The following FHL5 variants were observed in gnomAD, a reference collection of about 807,000 sequenced individuals.
FHL5 encodes the protein four and a half LIM domains protein 5.
Under a neutral mutation model 32.0 loss-of-function variants are expected in FHL5, and 33 were observed. That is an observed-to-expected ratio of 1.03 (90% confidence interval 0.78 to 1.38). FHL5 has a LOEUF of 1.38. Among genes scored for constraint, FHL5 ranks in the 40% most tolerant of loss-of-function variants. The pLI, the probability that FHL5 is intolerant of heterozygous loss-of-function variation, is 0.00. For missense variants in FHL5, 336 were observed against 343.9 expected (o/e 0.98, Z 0.18); for synonymous variants, 114 against 113.6 (o/e 1.00, Z -0.02).
chr6:96,586,826 T>C (rs1242579823), intron 1 of FHL5, among the ~76,000 whole-genome samples: 1 of 152,308 alleles, frequency 6.6e-6, no homozygotes, highest in South Asian at 2.1e-4. Flanking sequence ...ACTTAACACT[T>C]GTGTGCCAAA....
Position 96,603,490 on chromosome 6 carries a change from A to C in FHL5, c.-12-112A>C, listed in dbSNP as rs1419474614. The C allele has an allele frequency of 3.9e-6, 3 of 772,384 alleles. No individual in the cohort carries two copies. In the East Asian group the frequency reaches 8.5e-5, roughly 22 times the overall value. The allele number at this position is 772,384 out of a possible 1,614,324, so 47.8% of individuals were successfully genotyped here. A position where few individuals can be genotyped will look rare whatever the true frequency, so the allele number is the denominator to read the frequency against. On this transcript the variant is annotated intron_variant, in intron 1 of 5. Transcript: ENST00000450218. Reference sequence around the variant, plus strand: ...TTCCTAAATTGGGGGATTTTTGCTTAAGAAAATATAAGTTCATTCAAATGC... The same window carrying C: ...TTCCTAAATTGGGGGATTTTTGCTTCAGAAAATATAAGTTCATTCAAATGC...
chr6:96,612,705 C>G (rs1304449184), intron 5 of FHL5, among the ~76,000 whole-genome samples: 2 of 152,136 alleles, frequency 1.3e-5, no homozygotes, highest in African/African-American at 2.4e-5. Flanking sequence ...TTAATTTAGA[C>G]TCATCAGTCC....
intron 1 of FHL5, among the ~76,000 whole-genome samples, chr6:96,599,982 C>T (rs1020964573): frequency 5.3e-5 from 8 of 152,208 alleles, no homozygotes; most frequent in African/African-American, 9.6e-5. Flanking sequence ...CTCTTTCCTA[C>T]AGCTCTACCT....
At chr6:96,563,106 A>G (rs1770281424), upstream of FHL5, 1 of 152,194 alleles carries the variant, frequency 6.6e-6, no homozygotes. Context: ...GTAAAAATTG[A>G]CAAATAGTGC....
At chr6:96,581,982 C>A (rs1770705473) in intron 1 of FHL5, among the ~76,000 whole-genome samples, 3 of 152,262 alleles carry the variant, frequency 2.0e-5, no homozygotes, top group Admixed American at 6.5e-5. Flanking sequence ...CAACCATGTG[C>A]TGAGCCTATG....
At chr6:96,604,727 A>C in intron 2 of FHL5, 23 bp from the exon 3 acceptor site, 2 of 1,584,084 alleles carry the variant, frequency 1.3e-6, no homozygotes, top group Non-Finnish European at 1.7e-6. Context: ...ACATTTAATT[A>C]ACTTTTATTT....
intron 1 of FHL5, among the ~76,000 whole-genome samples, chr6:96,565,497 C>T (rs1770337141): frequency 6.6e-6 from 1 of 152,128 alleles, no homozygotes; most frequent in Admixed American, 6.5e-5. Flanking sequence ...GGTTATACTT[C>T]CAGCACCAAT....
chr6:96,612,152 C>T (rs886620710), intron 5 of FHL5, among the ~76,000 whole-genome samples: 1 of 152,170 alleles, frequency 6.6e-6, no homozygotes, highest in Non-Finnish European at 1.5e-5. Flanking sequence ...CAATCCCACA[C>T]CACTCGGCTC....
At chr6:96,599,376 G>A (rs538303022) in intron 1 of FHL5, among the ~76,000 whole-genome samples, 2 of 152,026 alleles carry the variant, frequency 1.3e-5, no homozygotes, top group South Asian at 2.1e-4. Flanking sequence ...TATATTTTTA[G>A]TAGAGCAGGG....
In FHL5 at chr6:96,607,646, A is replaced by G. The variant is rs188123770; in HGVS notation, c.504+1575A>G. On this transcript the variant is annotated intron_variant, in intron 4 of 5. Coordinates refer to ENST00000450218, the MANE Select transcript of FHL5 (RefSeq NM_001322466.2). ...ACAAGCAGCAATCAAGCCATATGAC[A>G]TATGAAGCTCCAAAGAATTACCAGG... 1.3e-5 allele frequency among the ~76,000 whole-genome samples: 2 copies of G among 152,202 alleles called. 1 individual carries two copies. Among genetic ancestry groups the G allele is most frequent in the Admixed American group, 1.3e-4 (2 of 15,278 alleles).
chr6:96,610,839 C>T, intron 5 of FHL5, 81 bp downstream of exon 5: 1 of 1,057,516 alleles, frequency 9.5e-7, no homozygotes, highest in Non-Finnish European at 1.4e-6. Flanking sequence ...TTAGGAAAAG[C>T]AATTAAAAAA....
chr6:96,572,764 T>C (rs560847251), intron 1 of FHL5, among the ~76,000 whole-genome samples: 1 of 152,272 alleles, frequency 6.6e-6, no homozygotes, highest in African/African-American at 2.4e-5. Flanking sequence ...ATGGAGATTG[T>C]TGGAGTCATC....
At position 96,606,093 on chromosome 6, in the gene FHL5, A is replaced by C. The variant is rs758782711; in HGVS notation, c.504+22A>C. On this transcript the variant is annotated intron_variant, in intron 4 of 5. Coordinates refer to ENST00000450218, the MANE Select transcript of FHL5 (RefSeq NM_001322466.2). ...GAAGGTAATTTTCTAAAGAGGGTGA[A>C]GCTTGTGGAAACTCAGACTATTTCT... 13 of 1,602,164 alleles carry C rather than the reference A, an allele frequency of 8.1e-6. No individual in the cohort carries two copies. The South Asian group carries it at 1.4e-4, about 18-fold the overall frequency.
chr6:96,593,410 T>G (rs988013137), intron 1 of FHL5, among the ~76,000 whole-genome samples: 2 of 152,182 alleles, frequency 1.3e-5, no homozygotes, highest in African/African-American at 4.8e-5. Context: ...TGATGTTTTC[T>G]TCCTTCAGAC....
intron 1 of FHL5, among the ~76,000 whole-genome samples, chr6:96,579,597 T>G (rs906126788): frequency 6.6e-6 from 1 of 152,222 alleles, no homozygotes; most frequent in African/African-American, 2.4e-5. Flanking sequence ...GATTTTGCCA[T>G]GTACCATGTG....
intron 1 of FHL5, among the ~76,000 whole-genome samples, chr6:96,588,737 T>A (rs2127966029): frequency 1.3e-5 from 2 of 152,226 alleles, no homozygotes; most frequent in Middle Eastern, 3.5e-3. Flanking sequence ...TAGCTTGTTT[T>A]TAATTCACTT....
chr6:96,605,540 G>A (rs917027399), intron 3 of FHL5, among the ~76,000 whole-genome samples: 1 of 152,156 alleles, frequency 6.6e-6, no homozygotes, highest in Non-Finnish European at 1.5e-5. Flanking sequence ...CTCAGTAGTT[G>A]TGCTCTGGGC....
intron 1 of FHL5, among the ~76,000 whole-genome samples, chr6:96,573,623 G>A (rs1265727237): frequency 4.2e-5 from 6 of 143,504 alleles, no homozygotes; most frequent in East Asian, 2.1e-4. Flanking sequence ...CCGGGTTCAC[G>A]CCATTCTCCT....
At chr6:96,585,093 C>T (rs186196435) in intron 1 of FHL5, among the ~76,000 whole-genome samples, 2 of 152,190 alleles carry the variant, frequency 1.3e-5, no homozygotes, top group East Asian at 3.9e-4. Flanking sequence ...AAATTAAAAC[C>T]CTGAACAAGA....
Sources: gnomAD v4.1 joint callset for allele counts (sites outside exome capture counted in the v4.1 genomes callset) on GRCh38, gnomAD v4.1.1 for gene constraint, MANE v1.5 for transcripts, NCBI Gene and HGNC (gene_info 2026-07-23, HGNC 2026-07-21) for gene names.